The following DHX58 variants were observed in gnomAD, a reference collection of about 807,000 sequenced individuals.
DHX58 encodes the protein DExH-box helicase 58.
Under a neutral mutation model 65.0 loss-of-function variants are expected in DHX58, and 51 were observed. The ratio of observed to expected loss-of-function variants is 0.78; its 90% CI spans 0.63 to 0.99. The LOEUF (loss-of-function observed/expected upper bound fraction) is 0.99. DHX58 is among the 50% of genes least tolerant of loss of function. DHX58 has a pLI of 0.00. For synonymous variants in DHX58, 350 were observed against 365.0 expected (o/e 0.96, Z 0.47); for missense variants, 773 against 891.8 (o/e 0.87, Z 1.70).
chr17:42,103,047 CAA>C (rs569492873), intron 12 of DHX58, among the ~76,000 whole-genome samples: 1,912 of 152,290 alleles, frequency 0.013, 24 homozygotes, highest in South Asian at 0.025. Flanking sequence ...CTCCGCCTCC[CAA>C]AGTGTTGGAA....
rs2054083815 is a variant in DHX58, at chr17:42,107,703, CG to C, written c.897del (p.Val300TrpfsTer104). On this transcript the variant is annotated frameshift_variant, in exon 8 of 14. Coordinates refer to ENST00000251642, the MANE Select transcript of DHX58 (RefSeq NM_024119.3). LOFTEE classifies it high-confidence loss of function. ...DALLIHDTVRAVDALAALQDF... is the reference protein window; with the variant it reads ...DALLIHDTVRXVDALAALQDF... ...TCCTGCAGCGCAGCCAAGGCATCCA[CG>C]GCGCGGACGGTGTCATGGATGAGCA... 6.2e-7 allele frequency: 1 copy of C among 1,611,502 alleles called. No individual in the cohort carries two copies. Among genetic ancestry groups the C allele is most frequent in the African/African-American group, 1.3e-5 (1 of 74,878 alleles).
chr17:42,109,642 TC>T (rs1326535464), intron 5 of DHX58, among the ~76,000 whole-genome samples: 3 of 152,188 alleles, frequency 2.0e-5, no homozygotes, highest in African/African-American at 7.2e-5. Flanking sequence ...ACACCTGTAA[TC>T]CCAGCACTTT....
chr17:42,105,734 A>G lies in DHX58; in HGVS notation c.1251+2T>C. On this transcript the variant is annotated splice_donor_variant, in intron 9 of 13. Transcript: ENST00000251642. LOFTEE classifies it high-confidence loss of function. ...GCCAGCATCTTTCCCCGAAGCCCAC[A>G]CCTGGGTCATGTGGGTGCTCTGGCT... The G allele has an allele frequency of 1.3e-6, 2 of 1,564,730 alleles. No individual in the cohort carries two copies. The highest frequency in any genetic ancestry group is 1.7e-6 in the Non-Finnish European group (2 of 1,156,702).
intron 13 of DHX58, 85 bp downstream of exon 13, chr17:42,102,131 C>G: frequency 6.6e-7 from 1 of 1,519,864 alleles, no homozygotes; most frequent in Non-Finnish European, 9.1e-7. Context: ...GGGACTGTCT[C>G]CCGTGTCCTA....
In DHX58 at chr17:42,101,786, T is replaced by A; in HGVS notation, c.2012A>T (p.Asn671Ile). The A allele has an allele frequency of 6.2e-7, 1 of 1,614,154 alleles. No individual in the cohort carries two copies. The highest frequency in any genetic ancestry group is 8.5e-7 in the Non-Finnish European group (1 of 1,180,014). Residue 671 changes from asparagine (N) to isoleucine (I), a missense_variant, in exon 14 of 14, where the codon AAC becomes ATC. Coordinates refer to ENST00000251642, the MANE Select transcript of DHX58 (RefSeq NM_024119.3). ...DFDFLQHCAE[N>I]LSDLSLD ...TCAGTCCAGGGAGAGGTCCGACAAG[T>A]TCTCGGCACAATGCTGCAGGAAGTC...
intron 13 of DHX58, 108 bp from the exon 14 acceptor site, chr17:42,102,054 T>A: frequency 6.9e-7 from 1 of 1,443,834 alleles, no homozygotes; most frequent in Non-Finnish European, 9.4e-7. Context: ...CCACCTGAGA[T>A]GTCACAGACT....
At position 42,102,319 on chromosome 17, in the gene DHX58, A is replaced by T. The variant is rs782727573; in HGVS notation, c.1755-7T>A. The T allele has an allele frequency of 3.1e-6, 5 of 1,613,208 alleles. No individual in the cohort carries two copies. The highest frequency in any genetic ancestry group is 4.2e-6 in the Non-Finnish European group (5 of 1,179,394). ...GGAGACATTATAGTAGTTCCTGGAG[A>T]GGAAGGGGGGTGGCCACAGCCCTCA... On this transcript the variant is annotated splice_region_variant and splice_polypyrimidine_tract_variant and intron_variant, in intron 12 of 13. Transcript: ENST00000251642.
At chr17:42,106,519 C>T (rs534579680) in intron 8 of DHX58, among the ~76,000 whole-genome samples, 3 of 152,120 alleles carry the variant, frequency 2.0e-5, no homozygotes, top group South Asian at 2.1e-4. Flanking sequence ...ATGCCCTGGC[C>T]GGGTGCATTG....
At position 42,103,715 on chromosome 17, in the gene DHX58, C is replaced by T. The variant is rs782331299; in HGVS notation, c.1647G>A (p.Val549=). ...QRENQRQQFP[V]EHVQLLCINC... ...TGATGCAGAGTAGCTGCACGTGCTC[C>T]ACTGGGAACTGCTGCCGCTGGTTCT... Residue 549 remains valine (V), a synonymous_variant, in exon 12 of 14, where the codon GTG becomes GTA. Transcript: ENST00000251642. 1 of 1,613,744 alleles carries T rather than the reference C, an allele frequency of 6.2e-7. No individual in the cohort carries two copies. The highest frequency in any genetic ancestry group is 1.1e-5 in the South Asian group (1 of 91,068).
chr17:42,108,554 G>C (rs914210066), intron 6 of DHX58, among the ~76,000 whole-genome samples: 1 of 152,268 alleles, frequency 6.6e-6, no homozygotes, highest in African/African-American at 2.4e-5. Context: ...TGCTCGCCCA[G>C]AGAGAGAATA....
intron 7 of DHX58, 78 bp from the exon 8 acceptor site, chr17:42,107,873 C>T (rs1277066718): frequency 1.3e-6 from 2 of 1,554,900 alleles, no homozygotes; most frequent in East Asian, 4.6e-5. Flanking sequence ...TCCCACTCGA[C>T]TCCACCCCTG....
Position 42,103,740 on chromosome 17 carries a change from T to A in DHX58, c.1622A>T (p.Glu541Val), listed in dbSNP as rs1555661998. ...TKRAAQAAQR[E>V]NQRQQFPVEH... ...CACTGGGAACTGCTGCCGCTGGTTC[T>A]CCCGCTGGGCTGCCTGGGCCGCCCG... Residue 541 changes from glutamate to valine, a missense_variant, in exon 12 of 14, where the codon GAG becomes GTG. Glu to Val is a moderately radical substitution (Grantham distance 121). Coordinates refer to ENST00000251642, the MANE Select transcript of DHX58 (RefSeq NM_024119.3). 1.9e-6 allele frequency: 3 copies of A among 1,612,938 alleles called. No individual in the cohort carries two copies. The highest frequency in any genetic ancestry group is 2.5e-6 in the Non-Finnish European group (3 of 1,180,024).
At position 42,109,159 on chromosome 17, in the gene DHX58, T is replaced by G. The variant is rs977475600; in HGVS notation, c.678+111A>C. The G allele has an allele frequency of 2.2e-5, 19 of 847,778 alleles. 1 individual carries two copies. The highest frequency in any genetic ancestry group is 2.7e-5 in the East Asian group (1 of 36,418). The allele number at this position is 847,778 out of a possible 1,614,324, so 52.5% of individuals were successfully genotyped here. A position where few individuals can be genotyped will look rare whatever the true frequency, so the allele number is the denominator to read the frequency against. ...AAGGAGAAATTGAGGCTTGGATACA[T>G]AGCAAGTGACCTGAAGTCACAGAGC... On this transcript the variant is annotated intron_variant, in intron 6 of 13. Transcript: ENST00000251642.
Position 42,107,885 on chromosome 17 carries a change from G to T in DHX58, c.806-90C>A, listed in dbSNP as rs537454136. ...CCGTCCCACTCGACTCCACCCCTGG[G>T]GTGGATAGGCCCCGCCCCAAAGGCC... On this transcript the variant is annotated intron_variant, in intron 7 of 13. Coordinates refer to ENST00000251642, the MANE Select transcript of DHX58 (RefSeq NM_024119.3). 4 of 1,573,542 alleles carry T rather than the reference G, an allele frequency of 2.5e-6. No individual in the cohort carries two copies. The Admixed American group carries it at 7.2e-5, about 28-fold the overall frequency.
In DHX58 at chr17:42,111,264, C is replaced by G. The variant is rs141148972; in HGVS notation, c.370+32G>C. 528 of 1,599,338 alleles carry G rather than the reference C, an allele frequency of 3.3e-4. 1 individual carries two copies. In the African/African-American group the frequency reaches 6.3e-3, roughly 19 times the overall value. ...TTGGCGAAAGGAGGTACCCCAGATG[C>G]GTATCTTTTTCCTCCCGGCCATGGC... On this transcript the variant is annotated intron_variant, in intron 4 of 13. Transcript: ENST00000251642.
At position 42,103,732 on chromosome 17, in the gene DHX58, G is replaced by T; in HGVS notation, c.1630C>A (p.Arg544=). 2 of 1,613,324 alleles carry T rather than the reference G, an allele frequency of 1.2e-6. No individual in the cohort carries two copies. Among genetic ancestry groups the T allele is most frequent in the East Asian group, 4.5e-5 (2 of 44,884 alleles). The change falls in exon 12 of 14, where the codon CGG becomes AGG. Residue 544 remains arginine (R), a synonymous_variant. Transcript: ENST00000251642. The part of the protein sequence containing the change: ...AAQAAQRENQ[R]QQFPVEHVQL... ...ACGTGCTCCACTGGGAACTGCTGCCGCTGGTTCTCCCGCTGGGCTGCCTGG... is the reference window on the plus strand; with the variant it reads ...ACGTGCTCCACTGGGAACTGCTGCCTCTGGTTCTCCCGCTGGGCTGCCTGG...
At chr17:42,104,087 G>T (rs577664070) in intron 11 of DHX58, among the ~76,000 whole-genome samples, 1 of 152,268 alleles carries the variant, frequency 6.6e-6, no homozygotes, top group Non-Finnish European at 1.5e-5. Context: ...GCCGGGCATG[G>T]TGGCGCATGC....
At chr17:42,105,622 T>C (rs2054044463) in intron 9 of DHX58, 114 bp downstream of exon 9, 12 of 1,472,240 alleles carry the variant, frequency 8.2e-6, no homozygotes, top group Non-Finnish European at 1.1e-5. Flanking sequence ...TAGTCAACTT[T>C]CTCTTTCCCC....
At chr17:42,108,242 G>A (rs1555663276) in intron 6 of DHX58, 134 bp from the exon 7 acceptor site, 3 of 1,391,530 alleles carry the variant, frequency 2.2e-6, no homozygotes, top group Admixed American at 2.1e-5. Flanking sequence ...GAGCTCCAGA[G>A]GGAGGCCGGC....
Sources: gnomAD v4.1 joint callset for allele counts (sites outside exome capture counted in the v4.1 genomes callset) on GRCh38, gnomAD v4.1.1 for gene constraint, MANE v1.5 for transcripts, NCBI Gene and HGNC (gene_info 2026-07-23, HGNC 2026-07-21) for gene names.